The following GORAB variants were observed in gnomAD, a reference collection of about 807,000 sequenced individuals.
The protein encoded by GORAB is golgin, RAB6 interacting, also known as RAB6-interacting golgin.
GORAB carries 17 observed loss-of-function variants against 29.9 expected under a neutral mutation model. The ratio of observed to expected loss-of-function variants is 0.57; its 90% confidence interval spans 0.39 to 0.85. The LOEUF is 0.85. Ranked by LOEUF, GORAB falls within the 40% of genes least tolerant of loss-of-function variation. The pLI, the probability that GORAB is intolerant of heterozygous loss-of-function variation, is 0.00. For missense variants in GORAB, 442 were observed against 437.8 expected (o/e 1.01, Z -0.09); for synonymous variants, 183 against 157.2 (o/e 1.16, Z -1.23).
chr1:170,553,416 G>A lies in GORAB; in HGVS notation c.*954G>A, dbSNP rs1207050610. 3 of 447,502 alleles carry A rather than the reference G, an allele frequency of 6.7e-6. No individual in the cohort carries two copies. Among genetic ancestry groups the A allele is most frequent in the East Asian group, 7.0e-5 (1 of 14,348 alleles). 27.7% of individuals were successfully genotyped at this position (447,502 alleles called of 1,614,324 possible). A position where few individuals can be genotyped will look rare whatever the true frequency, so the allele number is the denominator to read the frequency against. ...CCAATACATTGTGCTATATGTAAAT[G>A]TGTAAATAAATATTGTAATTTTCTC... On this transcript the variant is annotated 3_prime_UTR_variant, in exon 5 of 5. Coordinates refer to ENST00000367763, the MANE Select transcript of GORAB (RefSeq NM_152281.3).
At chr1:170,549,636 C>G (rs1277128018) in intron 4 of GORAB, among the ~76,000 whole-genome samples, 1 of 152,120 alleles carries the variant, frequency 6.6e-6, no homozygotes, top group Admixed American at 6.5e-5. Flanking sequence ...GTTGCAAGAA[C>G]ATTACATGAA....
At chr1:170,537,526 G>A (rs945646862) in intron 1 of GORAB, among the ~76,000 whole-genome samples, 2 of 152,040 alleles carry the variant, frequency 1.3e-5, no homozygotes, top group African/African-American at 2.4e-5. Context: ...CCCCTACAGC[G>A]TAATCTAGAT....
intron 1 of GORAB, chr1:170,532,498 A>G (rs1461848918): frequency 8.8e-6 from 5 of 566,864 alleles, no homozygotes; most frequent in Non-Finnish European, 1.6e-5. Flanking sequence ...CTTCTTTTAG[A>G]AAAAACGGTC....
rs748110704 is a variant in GORAB, at chr1:170,552,768, A to G, written c.*306A>G. The G allele has an allele frequency of 2.1e-6, 1 of 474,206 alleles. No individual in the cohort carries two copies. Among genetic ancestry groups the G allele is most frequent in the South Asian group, 1.5e-5 (1 of 64,658 alleles). The allele number at this position is 474,206 out of a possible 1,614,324, so 29.4% of individuals were successfully genotyped here. A position where few individuals can be genotyped will look rare whatever the true frequency, so the allele number is the denominator to read the frequency against. On this transcript the variant is annotated 3_prime_UTR_variant, in exon 5 of 5. Coordinates refer to ENST00000367763, the MANE Select transcript of GORAB (RefSeq NM_152281.3). ...CATGGTTGGAGTGTTTTTAGATCAG[A>G]TAAATATAGAAAAGTAAAATGGAAA...
At chr1:170,541,592 G>A (rs1441761070) in intron 2 of GORAB, among the ~76,000 whole-genome samples, 1 of 152,016 alleles carries the variant, frequency 6.6e-6, no homozygotes, top group African/African-American at 2.4e-5. Context: ...GGGAATAGAG[G>A]TATGTGATAT....
At chr1:170,538,077 A>AT (rs1649165571) in intron 1 of GORAB, among the ~76,000 whole-genome samples, 1 of 152,204 alleles carries the variant, frequency 6.6e-6, no homozygotes. Context: ...CTTTTAAAAA[A>AT]TATTTTCTGT....
chr1:170,541,377 C>T (rs1649415493), intron 2 of GORAB, among the ~76,000 whole-genome samples: 2 of 151,964 alleles, frequency 1.3e-5, no homozygotes, highest in Non-Finnish European at 2.9e-5. Flanking sequence ...GGGCTAAAGG[C>T]CGCAATCAAA....
chr1:170,553,058 C>T lies in GORAB; in HGVS notation c.*596C>T. Reference sequence around the variant, plus strand: ...ATCACTTTTGTCTTCAATTTGCCTTCCAGTGATTTTAGTTTACAACCTGCG... The same window carrying T: ...ATCACTTTTGTCTTCAATTTGCCTTTCAGTGATTTTAGTTTACAACCTGCG... On this transcript the variant is annotated 3_prime_UTR_variant, in exon 5 of 5. Coordinates refer to ENST00000367763, the MANE Select transcript of GORAB (RefSeq NM_152281.3). The T allele has an allele frequency of 2.2e-6, 1 of 453,808 alleles. No homozygotes were observed. 28.1% of individuals were successfully genotyped at this position (453,808 alleles called of 1,614,324 possible).
At position 170,539,422 on chromosome 1, in the gene GORAB, AC is replaced by A. The variant is rs1558004538; in HGVS notation, c.276del (p.Ser93ProfsTer63). On this transcript the variant is annotated frameshift_variant, in exon 2 of 5. Coordinates refer to ENST00000367763, the MANE Select transcript of GORAB (RefSeq NM_152281.3). LOFTEE classifies it high-confidence loss of function. ...TACTCTTCCGAGTCATTTCACTCTCACCTCCCCCGTTGGTGATGGACAACCA... is the reference window on the plus strand; with the variant it reads ...TACTCTTCCGAGTCATTTCACTCTCACTCCCCCGTTGGTGATGGACAACCA... ...SPTLPSHFTL[T>X]SPVGDGQPQG... is the part of the protein sequence containing the mutation. The A allele has an allele frequency of 6.2e-7, 1 of 1,614,012 alleles. No homozygotes were observed. The highest frequency in any genetic ancestry group is 8.5e-7 in the Non-Finnish European group (1 of 1,179,990).
At chr1:170,543,620 G>A (rs1649573746) in intron 3 of GORAB, among the ~76,000 whole-genome samples, 1 of 145,264 alleles carries the variant, frequency 6.9e-6, no homozygotes, top group South Asian at 2.3e-4. Context: ...AGATAAAAGA[G>A]TAGTGCCCTC....
intron 1 of GORAB, among the ~76,000 whole-genome samples, chr1:170,537,721 A>C (rs539643489): frequency 6.6e-6 from 1 of 152,272 alleles, no homozygotes; most frequent in Non-Finnish European, 1.5e-5. Flanking sequence ...AGTTCACCAC[A>C]GTCTCCTTGA....
rs1056518689 is a variant in GORAB at position 170,545,520 on chromosome 1, T to G, written c.662+675T>G. 1.0e-5 allele frequency: 10 copies of G among 984,846 alleles called. No homozygotes were observed. The African/African-American group carries it at 1.7e-4, about 17-fold the overall frequency. The allele number at this position is 984,846 out of a possible 1,614,324, so 61.0% of individuals were successfully genotyped here. A position where few individuals can be genotyped will look rare whatever the true frequency, so the allele number is the denominator to read the frequency against. ...AACACATGTAATGAATTACATGGAC[T>G]TTGCAGACAGATAAAAGGGCAAAAA... On this transcript the variant is annotated intron_variant, in intron 4 of 4. Transcript: ENST00000367763.
intron 2 of GORAB, among the ~76,000 whole-genome samples, chr1:170,541,238 G>A (rs1338461981): frequency 6.7e-6 from 1 of 150,174 alleles, no homozygotes; most frequent in African/African-American, 2.5e-5. Flanking sequence ...CAGAACTGAG[G>A]AAGGATCAGA....
chr1:170,544,301 T>C (rs1199834766), intron 3 of GORAB, among the ~76,000 whole-genome samples: 1 of 152,186 alleles, frequency 6.6e-6, no homozygotes, highest in East Asian at 1.9e-4. Flanking sequence ...ATCTATCTGT[T>C]CTTAATGTCA....
chr1:170,549,495 C>T (rs988412790), intron 4 of GORAB, among the ~76,000 whole-genome samples: 1 of 152,118 alleles, frequency 6.6e-6, no homozygotes, highest in African/African-American at 2.4e-5. Flanking sequence ...TTCATGAATC[C>T]AGACTGTAAA....
rs1416179765 is a variant in GORAB at position 170,542,614 on chromosome 1, A to G, written c.521+22A>G. The G allele has an allele frequency of 4.0e-6, 6 of 1,488,764 alleles. No individual in the cohort carries two copies. The South Asian group carries it at 6.8e-5, about 17-fold the overall frequency. The allele number at this position is 1,488,764 out of a possible 1,614,324, so 92.2% of individuals were successfully genotyped here. A position where few individuals can be genotyped will look rare whatever the true frequency, so the allele number is the denominator to read the frequency against. On this transcript the variant is annotated intron_variant, in intron 3 of 4. Transcript: ENST00000367763. ...AAAGGTGAGGCACCTGAACCAGGAGAGGCTGTTTGTAACCTGTAACCAGTT... is the reference window on the plus strand; with the variant it reads ...AAAGGTGAGGCACCTGAACCAGGAGGGGCTGTTTGTAACCTGTAACCAGTT...
chr1:170,545,717 T>G (rs924207705), intron 4 of GORAB: 53 of 984,980 alleles, frequency 5.4e-5, no homozygotes, highest in Non-Finnish European at 6.1e-5. Context: ...AACATCAGAA[T>G]GTTTATATAA....
chr1:170,547,353 A>T (rs1037255135), intron 4 of GORAB, among the ~76,000 whole-genome samples: 31 of 151,876 alleles, frequency 2.0e-4, no homozygotes, highest in African/African-American at 6.3e-4. Flanking sequence ...GTTTGGATAG[A>T]CACCTCTGAG....
At chr1:170,548,520 G>A (rs1558010252) in intron 4 of GORAB, among the ~76,000 whole-genome samples, 1 of 152,198 alleles carries the variant, frequency 6.6e-6, no homozygotes, top group Admixed American at 6.5e-5. Flanking sequence ...GTGGCAAGAT[G>A]TCTTCCTCTG....
Sources: gnomAD v4.1 joint callset for allele counts (sites outside exome capture counted in the v4.1 genomes callset) on GRCh38, gnomAD v4.1.1 for gene constraint, MANE v1.5 for transcripts, NCBI Gene and HGNC (gene_info 2026-07-23, HGNC 2026-07-21) for gene names.